QTRT2: variants seen among roughly 807,000 people sequenced by gnomAD.
QTRT2 encodes the protein queuine tRNA-ribosyltransferase accessory subunit 2.
Under a neutral mutation model 44.8 loss-of-function variants are expected in QTRT2, and 32 were observed. The observed-to-expected ratio is 0.71, with a 90% CI of 0.54 to 0.96. The LOEUF is 0.96. QTRT2 is among the 40% of genes least tolerant of loss of function. The probability of loss-of-function intolerance (pLI) is 0.00; values close to 1 mark genes in which losing one functional copy is unlikely to be tolerated. For synonymous variants in QTRT2, 182 were observed against 187.4 expected (o/e 0.97, Z 0.24); for missense variants, 461 against 503.1 (o/e 0.92, Z 0.80).
At chr3:114,084,497 G>A (rs1044937176) in intron 9 of QTRT2, among the ~76,000 whole-genome samples, 4 of 151,900 alleles carry the variant, frequency 2.6e-5, no homozygotes, top group Non-Finnish European at 5.9e-5. Context: ...GTGGGAGGTT[G>A]CTTGAGCCCA....
chr3:114,062,368 CAAAAAAA>C (rs143192501), intron 2 of QTRT2, among the ~76,000 whole-genome samples: 4 of 86,180 alleles, frequency 4.6e-5, no homozygotes, highest in African/African-American at 1.3e-4. Flanking sequence ...GACCTTGTCT[CAAAAAAA>C]AAAAAAAAAA....
In QTRT2 at chr3:114,087,235, T is replaced by C. The variant is rs1173976117; in HGVS notation, c.*1331T>C. On this transcript the variant is annotated 3_prime_UTR_variant, in exon 10 of 10. Transcript: ENST00000281273. ...TATACTTCTATGCTATATTTTGCTA[T>C]TCAAAATTTAGTGGGCATTACTTAA... 6.6e-6 allele frequency: 1 copy of C among 152,250 alleles called. No individual in the cohort carries two copies. Among genetic ancestry groups the C allele is most frequent in the Non-Finnish European group, 1.5e-5 (1 of 68,046 alleles). The allele number at this position is 152,250 out of a possible 1,614,324, so 9.4% of individuals were successfully genotyped here.
At chr3:114,079,160 A>G (rs1006695428) in intron 7 of QTRT2, 1 of 152,278 alleles carries the variant, frequency 6.6e-6, no homozygotes, top group Non-Finnish European at 1.5e-5. Flanking sequence ...AAAGGGCTAT[A>G]AAGTTTAGTT....
chr3:114,072,950 CATGT>C lies in QTRT2; in HGVS notation c.546+2117_546+2120del, dbSNP rs530564646. Among the ~76,000 whole-genome samples, 5 of 152,244 alleles carry C rather than the reference CATGT, an allele frequency of 3.3e-5. No homozygotes were observed. In the South Asian group the frequency reaches 1.0e-3, roughly 32 times the overall value. On this transcript the variant is annotated intron_variant, in intron 6 of 9. Coordinates refer to ENST00000281273, the MANE Select transcript of QTRT2 (RefSeq NM_024638.4). ...AGGAGAGAATTTTAATATTTGAGAT[CATGT>C]ATGTGGAGTAATCCTGAGCGATGAT...
At chr3:114,077,114 C>G (rs771731121) in intron 7 of QTRT2, 172 bp downstream of exon 7, 1 of 616,986 alleles carries the variant, frequency 1.6e-6, no homozygotes, top group South Asian at 2.0e-5. Context: ...GAGTTTCCAT[C>G]AAGGCTGTCC....
chr3:114,072,039 GT>G (rs1291439590), intron 6 of QTRT2, among the ~76,000 whole-genome samples: 5 of 152,154 alleles, frequency 3.3e-5, no homozygotes, highest in Non-Finnish European at 2.9e-5. Context: ...GTTTCATTCT[GT>G]ACACGGATTT....
At chr3:114,081,046 C>G (rs1267389268) in intron 8 of QTRT2, among the ~76,000 whole-genome samples, 1 of 152,150 alleles carries the variant, frequency 6.6e-6, no homozygotes. Flanking sequence ...TCTTCATTTA[C>G]AAACTGAATT....
At position 114,076,859 on chromosome 3, in the gene QTRT2, T is replaced by C. The variant is rs373700275; in HGVS notation, c.663T>C (p.Gly221=). 2.8e-5 allele frequency: 45 copies of C among 1,614,032 alleles called. No individual in the cohort carries two copies. In the African/African-American group the frequency reaches 5.9e-4, roughly 21 times the overall value. Residue 221 remains glycine, a synonymous_variant, in exon 7 of 10, where the codon GGT becomes GGC. Coordinates refer to ENST00000281273, the MANE Select transcript of QTRT2 (RefSeq NM_024638.4). ...CTGTGGGTGGCTTCCTTCTGGATGG[T>C]TTTCAAGGAAATCCAACAACCCTGG... is the stretch of plus-strand genomic sequence containing the variant. ...KRPVGGFLLD[G]FQGNPTTLEA... is the part of the protein sequence containing the mutation.
At chr3:114,077,225 T>C (rs776418363) in intron 7 of QTRT2, 33 of 350,092 alleles carry the variant, frequency 9.4e-5, no homozygotes, top group Non-Finnish European at 1.7e-4. Flanking sequence ...TTCCCCTCAT[T>C]CTTGTGCCAA....
chr3:114,082,736 G>T lies in QTRT2; in HGVS notation c.958G>T (p.Glu320Ter). 1 of 1,534,826 alleles carries T rather than the reference G, an allele frequency of 6.5e-7. No homozygotes were observed. Among genetic ancestry groups the T allele is most frequent in the Non-Finnish European group, 8.9e-7 (1 of 1,123,034 alleles). ...ATGTATGGATCAAATAAAGAAAATT[G>T]AAACAACTGGTTGCAACCAAGAAAT... is the stretch of plus-strand genomic sequence containing the variant. ...IKCMDQIKKI[E>*]TTGCNQEITS... The change falls in exon 9 of 10, where the codon GAA (glutamate) becomes TAA (stop). Residue 320 changes from glutamate to a stop codon, truncating the protein, a stop_gained. Transcript: ENST00000281273. LOFTEE classifies it high-confidence loss of function.
At chr3:114,071,208 A>G (rs1357436226) in intron 6 of QTRT2, among the ~76,000 whole-genome samples, 4 of 152,208 alleles carry the variant, frequency 2.6e-5, no homozygotes, top group Admixed American at 1.3e-4. Context: ...GACCGGATTC[A>G]TCATTTTATC....
At chr3:114,061,795 C>T (rs1294397248) in intron 2 of QTRT2, among the ~76,000 whole-genome samples, 1 of 152,044 alleles carries the variant, frequency 6.6e-6, no homozygotes, top group Non-Finnish European at 1.5e-5. Context: ...CCAGGCTGCT[C>T]TTGAACTCCT....
In QTRT2 at chr3:114,087,829, A is replaced by T. The variant is rs1309596726; in HGVS notation, c.*1925A>T. On this transcript the variant is annotated 3_prime_UTR_variant, in exon 10 of 10. Transcript: ENST00000281273. ...CAAGAAGTCACTTATCACCAAGGGG[A>T]TGGCCCAGGCCATTCATGAGGGATC... 3 of 152,312 alleles carry T rather than the reference A, an allele frequency of 2.0e-5. No individual in the cohort carries two copies. Among genetic ancestry groups the T allele is most frequent in the Admixed American group, 6.5e-5 (1 of 15,282 alleles). 9.4% of individuals were successfully genotyped at this position (152,312 alleles called of 1,614,324 possible).
chr3:114,082,985 G>A (rs754031360), intron 9 of QTRT2, 191 bp downstream of exon 9: 2 of 562,178 alleles, frequency 3.6e-6, no homozygotes, highest in East Asian at 3.5e-5. Flanking sequence ...ACTTCGTCTT[G>A]TCAGAAGACT....
intron 6 of QTRT2, 101 bp from the exon 7 acceptor site, chr3:114,076,642 C>T: frequency 9.3e-7 from 1 of 1,076,044 alleles, no homozygotes; most frequent in Non-Finnish European, 1.4e-6. Flanking sequence ...ACAGCAGCTT[C>T]ACTGAGGTCT....
chr3:114,084,612 G>T (rs1287446828), intron 9 of QTRT2, among the ~76,000 whole-genome samples: 1 of 152,164 alleles, frequency 6.6e-6, no homozygotes, highest in Non-Finnish European at 1.5e-5. Flanking sequence ...TAACACCTAT[G>T]CAGTGCTTAG....
chr3:114,061,012 G>GCTACTCA lies in QTRT2; in HGVS notation c.-22+3906_-22+3907insCTACTCA, dbSNP rs2076880267. ...GAGATTTCATTATGCTACTCAGAATGGCATGCAATTTCAAACTTATGTTTA... is the reference window on the plus strand; with the variant it reads ...GAGATTTCATTATGCTACTCAGAATGCTACTCAGCATGCAATTTCAAACTTATGTTTA... On this transcript the variant is annotated intron_variant, in intron 2 of 9. Coordinates refer to ENST00000281273, the MANE Select transcript of QTRT2 (RefSeq NM_024638.4). Among the ~76,000 whole-genome samples the GCTACTCA allele has an allele frequency of 3.3e-5, 5 of 152,184 alleles. No homozygotes were observed. In the South Asian group the frequency reaches 1.0e-3, roughly 32 times the overall value.
At chr3:114,066,866 A>G (rs1304866546) in intron 4 of QTRT2, among the ~76,000 whole-genome samples, 4 of 152,192 alleles carry the variant, frequency 2.6e-5, no homozygotes, top group Non-Finnish European at 4.4e-5. Flanking sequence ...TCAAACATGC[A>G]GGGGAGGATG....
chr3:114,070,078 A>G (rs2077004289), intron 5 of QTRT2, among the ~76,000 whole-genome samples: 1 of 152,218 alleles, frequency 6.6e-6, no homozygotes, highest in Admixed American at 6.5e-5. Context: ...TGGAGATCAG[A>G]TTAATATGTG....
Sources: allele counts gnomAD v4.1 joint callset (sites outside exome capture counted in the v4.1 genomes callset), GRCh38; gene constraint gnomAD v4.1.1; transcripts MANE v1.5; gene names NCBI Gene and HGNC (gene_info 2026-07-23, HGNC 2026-07-21).